The following NCKAP5 variants were observed in gnomAD, a reference collection of about 807,000 sequenced individuals.
The protein encoded by NCKAP5 is nck-associated protein 5.
NCKAP5 carries 92 observed loss-of-function variants against 167.0 expected under a neutral mutation model. The ratio of observed to expected loss-of-function variants is 0.55; its 90% CI spans 0.47 to 0.66. The LOEUF (loss-of-function observed/expected upper bound fraction) is 0.66. Among genes scored for constraint, NCKAP5 ranks in the 30% least tolerant of loss-of-function variants. The pLI, the probability that NCKAP5 is intolerant of heterozygous loss-of-function variation, is 0.00. For missense variants in NCKAP5, 2,378 were observed against 2,315.0 expected (o/e 1.03, Z -0.56); for synonymous variants, 891 against 877.4 (o/e 1.02, Z -0.27).
intron 3 of NCKAP5, among the ~76,000 whole-genome samples, chr2:133,429,677 G>GGTGTCA (rs1690036943): frequency 6.6e-6 from 1 of 151,988 alleles, no homozygotes; most frequent in African/African-American, 2.4e-5. Context: ...AGTATTCCAC[G>GGTGTCA]GTGTTTATGT....
At chr2:132,958,780 A>G (rs1185763652) in intron 8 of NCKAP5, among the ~76,000 whole-genome samples, 1 of 151,936 alleles carries the variant, frequency 6.6e-6, no homozygotes, top group African/African-American at 2.4e-5. Context: ...TATTTTTTAT[A>G]TTACACACAA....
At chr2:133,589,599 A>G in the NCKAP5 span, among the ~76,000 whole-genome samples, 2 of 152,202 alleles carry the variant, frequency 1.3e-5, no homozygotes, top group East Asian at 3.9e-4. Flanking sequence ...GAGATCACCA[A>G]GGAAGTCCAC....
intron 6 of NCKAP5, among the ~76,000 whole-genome samples, chr2:133,059,338 A>C (rs543634168): frequency 6.6e-6 from 1 of 152,134 alleles, no homozygotes; most frequent in Admixed American, 6.5e-5. Context: ...CTAAAGGCCC[A>C]GATGATTGTT....
chr2:132,914,472 T>C (rs1694707002), intron 8 of NCKAP5, among the ~76,000 whole-genome samples: 1 of 152,016 alleles, frequency 6.6e-6, no homozygotes, highest in African/African-American at 2.4e-5. Context: ...TAAGTAGAAA[T>C]GGACAATTCC....
At chr2:133,272,866 T>C (rs1391465896) in intron 4 of NCKAP5, among the ~76,000 whole-genome samples, 2 of 152,222 alleles carry the variant, frequency 1.3e-5, no homozygotes, top group East Asian at 3.8e-4. Context: ...TTTGTCCATG[T>C]TGTAGCACGT....
intron 4 of NCKAP5, among the ~76,000 whole-genome samples, chr2:133,281,910 C>T (rs1183423170): frequency 6.6e-6 from 1 of 152,168 alleles, no homozygotes; most frequent in Non-Finnish European, 1.5e-5. Flanking sequence ...CAGTTGCAGA[C>T]CCACAGTTAA....
intron 1 of NCKAP5, 34 bp downstream of exon 1, chr2:133,568,182 C>T (rs1228751189): frequency 6.6e-6 from 1 of 152,042 alleles, no homozygotes; most frequent in African/African-American, 2.4e-5. Flanking sequence ...AAAACTGTTA[C>T]AAGAGTTTAA....
intron 3 of NCKAP5, among the ~76,000 whole-genome samples, chr2:133,418,665 T>C (rs947103792): frequency 7.9e-5 from 12 of 152,148 alleles, no homozygotes; most frequent in African/African-American, 2.9e-4. Context: ...TATATACCAG[T>C]GCAAGGCAAA....
intron 5 of NCKAP5, among the ~76,000 whole-genome samples, chr2:133,160,427 TC>T (rs1553558954): frequency 2.9e-5 from 3 of 102,138 alleles, no homozygotes; most frequent in East Asian, 5.0e-4. Context: ...TTTTTTCTTT[TC>T]CTTTCTTTTT....
At chr2:132,823,511 C>T (rs1273495106) in intron 11 of NCKAP5, among the ~76,000 whole-genome samples, 1 of 151,946 alleles carries the variant, frequency 6.6e-6, no homozygotes, top group African/African-American at 2.4e-5. Flanking sequence ...CGAGAGAATT[C>T]ATCACAACTC....
chr2:132,987,831 G>A (rs1237161091), intron 7 of NCKAP5, among the ~76,000 whole-genome samples: 3 of 152,190 alleles, frequency 2.0e-5, no homozygotes, highest in South Asian at 2.1e-4. Flanking sequence ...AAAGGATGTC[G>A]AGTGACCTAA....
chr2:133,024,457 T>C (rs1002056280), intron 6 of NCKAP5, among the ~76,000 whole-genome samples: 1 of 152,218 alleles, frequency 6.6e-6, no homozygotes, highest in Admixed American at 6.5e-5. Flanking sequence ...ACATAAACTA[T>C]GGCATTTTAT....
chr2:133,217,714 T>C (rs1046976409), intron 4 of NCKAP5, among the ~76,000 whole-genome samples: 9 of 152,102 alleles, frequency 5.9e-5, no homozygotes, highest in African/African-American at 1.7e-4. Flanking sequence ...AAATAAATAT[T>C]TGTGATTTGC....
chr2:133,521,134 C>A (rs1000684082), intron 2 of NCKAP5, among the ~76,000 whole-genome samples: 2 of 152,164 alleles, frequency 1.3e-5, no homozygotes, highest in Non-Finnish European at 2.9e-5. Context: ...TTCCATTGAT[C>A]GCACTATTGG....
chr2:133,588,404 T>A, the NCKAP5 span, among the ~76,000 whole-genome samples: 1 of 130,060 alleles, frequency 7.7e-6, no homozygotes, highest in Non-Finnish European at 1.6e-5. Flanking sequence ...CTTCCCTCTC[T>A]CCCTCCCTCC....
chr2:133,659,628 T>C, the NCKAP5 span, among the ~76,000 whole-genome samples: 2 of 152,196 alleles, frequency 1.3e-5, no homozygotes, highest in African/African-American at 4.8e-5. Context: ...CAGAATATAC[T>C]GGGATTCGGG....
At chr2:133,181,624 A>G (rs1314415018) in intron 5 of NCKAP5, among the ~76,000 whole-genome samples, 2 of 144,742 alleles carry the variant, frequency 1.4e-5, no homozygotes, top group African/African-American at 2.5e-5. Flanking sequence ...AAAAAAAAAA[A>G]AAAATTAGCC....
chr2:133,196,301 G>A (rs2085434201), intron 5 of NCKAP5, among the ~76,000 whole-genome samples: 1 of 152,096 alleles, frequency 6.6e-6, no homozygotes, highest in African/African-American at 2.4e-5. Context: ...TATATATCTG[G>A]GCTTCCAATA....
chr2:133,196,934 A>AGG (rs2085461447), intron 5 of NCKAP5, among the ~76,000 whole-genome samples: 1 of 152,186 alleles, frequency 6.6e-6, no homozygotes, highest in African/African-American at 2.4e-5. Context: ...GCTCTGAAGG[A>AGG]GGGGGACCTT....
Sources: gnomAD v4.1 joint callset for allele counts (sites outside exome capture counted in the v4.1 genomes callset) on GRCh38, gnomAD v4.1.1 for gene constraint, MANE v1.5 for transcripts, NCBI Gene and HGNC (gene_info 2026-07-23, HGNC 2026-07-21) for gene names.